CNTNAP2: variants seen among roughly 807,000 people sequenced by gnomAD.
CNTNAP2 encodes contactin-associated protein-like 2.
Under a neutral mutation model 155.2 loss-of-function variants are expected in CNTNAP2, and 98 were observed. The ratio of observed to expected loss-of-function variants is 0.63; its 90% CI spans 0.54 to 0.75. The LOEUF is 0.75. Ranked by LOEUF, CNTNAP2 falls within the 30% of genes least tolerant of loss-of-function variation. The probability of loss-of-function intolerance (pLI) is 0.00; values close to 1 mark genes in which losing one functional copy is unlikely to be tolerated. For synonymous variants in CNTNAP2, 651 were observed against 631.2 expected (o/e 1.03, Z -0.47); for missense variants, 1,727 against 1,688.1 (o/e 1.02, Z -0.40).
chr7:146,514,046 C>A (rs1797506736), intron 1 of CNTNAP2, among the ~76,000 whole-genome samples: 1 of 151,844 alleles, frequency 6.6e-6, no homozygotes, highest in African/African-American at 2.4e-5. Context: ...TTCCATTCCA[C>A]CTGGCCTGGT....
chr7:147,792,882 A>T (rs545671520), intron 13 of CNTNAP2, among the ~76,000 whole-genome samples: 78 of 152,128 alleles, frequency 5.1e-4, no homozygotes, highest in African/African-American at 1.8e-3. Context: ...CATCTTTTTT[A>T]TTATGGCCAT....
At chr7:147,280,936 T>C (rs1325762106) in intron 8 of CNTNAP2, among the ~76,000 whole-genome samples, 1 of 151,884 alleles carries the variant, frequency 6.6e-6, no homozygotes, top group African/African-American at 2.4e-5. Context: ...AAGTGGCAGC[T>C]CTGAAAAGTG....
intron 17 of CNTNAP2, among the ~76,000 whole-genome samples, chr7:148,156,243 T>C (rs928069439): frequency 6.6e-6 from 1 of 152,210 alleles, no homozygotes; most frequent in Non-Finnish European, 1.5e-5. Flanking sequence ...GTTTTGTTTT[T>C]GTTTTGTTTT....
At position 147,138,342 on chromosome 7, in the gene CNTNAP2, A is replaced by C. The variant is rs145137387; in HGVS notation, c.1348+5833A>C. 4.3e-3 allele frequency among the ~76,000 whole-genome samples: 660 copies of C among 152,080 alleles called. 6 individuals are homozygous for C. The highest frequency in any genetic ancestry group is 0.015 in the African/African-American group (630 of 41,544). On this transcript the variant is annotated intron_variant, in intron 8 of 23. Coordinates refer to ENST00000361727, the MANE Select transcript of CNTNAP2 (RefSeq NM_014141.6). Reference sequence around the variant, plus strand: ...GATAAAGATCTGAGTACTAGATCTAAATAGACACATAGAAATAAGATACCC... The same window carrying C: ...GATAAAGATCTGAGTACTAGATCTACATAGACACATAGAAATAAGATACCC...
chr7:147,318,907 T>G (rs1584869848), intron 9 of CNTNAP2, among the ~76,000 whole-genome samples: 1 of 152,134 alleles, frequency 6.6e-6, no homozygotes, highest in East Asian at 1.9e-4. Flanking sequence ...TGTCTTTAAT[T>G]TTTTCTAATT....
chr7:147,704,752 C>T (rs760651117), intron 13 of CNTNAP2, among the ~76,000 whole-genome samples: 2 of 152,194 alleles, frequency 1.3e-5, no homozygotes, highest in Non-Finnish European at 2.9e-5. Flanking sequence ...GATTCAATCT[C>T]ACTGCTCATT....
chr7:147,436,016 T>C (rs557689570), intron 10 of CNTNAP2, among the ~76,000 whole-genome samples: 3 of 152,012 alleles, frequency 2.0e-5, no homozygotes, highest in Non-Finnish European at 4.4e-5. Context: ...CATGTGACCA[T>C]TCAAATATCC....
At chr7:146,650,596 C>T (rs1401995126) in intron 1 of CNTNAP2, among the ~76,000 whole-genome samples, 9 of 151,884 alleles carry the variant, frequency 5.9e-5, no homozygotes, top group East Asian at 1.9e-4. Context: ...ATGTAGATGA[C>T]GAGTTGATGG....
intron 8 of CNTNAP2, among the ~76,000 whole-genome samples, chr7:147,176,858 G>A (rs1160987538): frequency 2.8e-5 from 3 of 106,038 alleles, no homozygotes; most frequent in African/African-American, 1.0e-4. Flanking sequence ...ATATATAATA[G>A]ATATTATAGA....
intron 15 of CNTNAP2, among the ~76,000 whole-genome samples, chr7:148,015,570 C>T (rs1023564472): frequency 2.0e-5 from 3 of 152,176 alleles, no homozygotes; most frequent in Non-Finnish European, 2.9e-5. Flanking sequence ...TTGGAACCTC[C>T]ACACTATTTA....
intron 8 of CNTNAP2, among the ~76,000 whole-genome samples, chr7:147,176,797 T>C (rs1802353874): frequency 8.1e-6 from 1 of 123,896 alleles, no homozygotes; most frequent in South Asian, 2.2e-4. Flanking sequence ...AATTATATAT[T>C]ATAATATATA....
chr7:147,494,533 G>C (rs1003432660), intron 11 of CNTNAP2, among the ~76,000 whole-genome samples: 1 of 148,466 alleles, frequency 6.7e-6, no homozygotes, highest in African/African-American at 2.5e-5. Context: ...GTAAAGACAT[G>C]CTGTGATCCT....
chr7:146,370,648 CT>C (rs201782987), intron 1 of CNTNAP2, among the ~76,000 whole-genome samples: 1,633 of 152,122 alleles, frequency 0.011, 38 homozygotes, highest in Admixed American at 0.054. Context: ...ACTCATTAAT[CT>C]TTTTTTCTTT....
intron 13 of CNTNAP2, among the ~76,000 whole-genome samples, chr7:147,655,342 C>T (rs1353486952): frequency 6.7e-6 from 1 of 149,188 alleles, no homozygotes; most frequent in Non-Finnish European, 1.5e-5. Context: ...ATGCTGGTCT[C>T]GAACTCCTGA....
chr7:147,575,973 A>G (rs1369490685), intron 12 of CNTNAP2, among the ~76,000 whole-genome samples: 4 of 152,094 alleles, frequency 2.6e-5, no homozygotes, highest in African/African-American at 9.7e-5. Context: ...CTGTTTACAC[A>G]AAGAATATAG....
intron 22 of CNTNAP2, among the ~76,000 whole-genome samples, chr7:148,394,859 G>T (rs569722422): frequency 6.6e-6 from 1 of 152,248 alleles, no homozygotes; most frequent in African/African-American, 2.4e-5. Flanking sequence ...GATTTCATAG[G>T]TTTCCCCTGG....
intron 6 of CNTNAP2, among the ~76,000 whole-genome samples, chr7:147,127,999 A>G (rs1801275495): frequency 6.6e-6 from 1 of 152,138 alleles, no homozygotes; most frequent in African/African-American, 2.4e-5. Context: ...AGAAATGGAT[A>G]TTTTCTTTCT....
intron 1 of CNTNAP2, among the ~76,000 whole-genome samples, chr7:146,603,411 C>CAA (rs564677956): frequency 0.021 from 2,755 of 130,650 alleles, 124 homozygotes; most frequent in African/African-American, 0.072. Flanking sequence ...GACTCTGTCT[C>CAA]AAAAAAAAAA....
At chr7:147,111,679 G>A (rs752910674) in intron 5 of CNTNAP2, among the ~76,000 whole-genome samples, 2 of 152,230 alleles carry the variant, frequency 1.3e-5, no homozygotes, top group African/African-American at 2.4e-5. Flanking sequence ...GGTGGTTATA[G>A]GTGTATGGTC....
Sources: allele counts gnomAD v4.1 joint callset (sites outside exome capture counted in the v4.1 genomes callset), GRCh38; gene constraint gnomAD v4.1.1; transcripts MANE v1.5; gene names NCBI Gene and HGNC (gene_info 2026-07-23, HGNC 2026-07-21).